The following NPAS3 variants were observed in gnomAD, a reference collection of about 807,000 sequenced individuals.
NPAS3 encodes neuronal PAS domain protein 3.
NPAS3 carries 14 observed loss-of-function variants against 73.1 expected under a neutral mutation model. That is an observed-to-expected ratio of 0.19 (90% CI 0.13 to 0.30). The LOEUF is 0.30. NPAS3 is among the 10% of genes least tolerant of loss of function. The probability of loss-of-function intolerance (pLI) is 1.00; values close to 1 mark genes in which losing one functional copy is unlikely to be tolerated. For missense variants in NPAS3, 1,096 were observed against 1,250.0 expected, an observed-to-expected ratio of 0.88 and a Z score of 1.86; for synonymous variants, 620 against 541.5, an observed-to-expected ratio of 1.14 and a Z score of -2.01.
chr14:33,574,728 T>C (rs947068016), intron 5 of NPAS3, among the ~76,000 whole-genome samples: 5 of 152,134 alleles, frequency 3.3e-5, no homozygotes, highest in Admixed American at 2.6e-4. Context: ...GGGATCCTCA[T>C]TGAACCCAGG....
At chr14:32,950,229 C>A (rs557542196) in intron 1 of NPAS3, among the ~76,000 whole-genome samples, 2 of 152,042 alleles carry the variant, frequency 1.3e-5, no homozygotes, top group Admixed American at 1.3e-4. Context: ...AAAGACTGTT[C>A]CAGAGTTTGC....
chr14:33,733,494 G>T (rs147974716), intron 6 of NPAS3, among the ~76,000 whole-genome samples: 1 of 152,220 alleles, frequency 6.6e-6, no homozygotes, highest in Non-Finnish European at 1.5e-5. Context: ...AAACTAATGA[G>T]CTCATTTAAT....
At chr14:33,698,455 C>T (rs2060445092) in intron 6 of NPAS3, among the ~76,000 whole-genome samples, 1 of 152,124 alleles carries the variant, frequency 6.6e-6, no homozygotes, top group Non-Finnish European at 1.5e-5. Context: ...AGAGAGATCA[C>T]ATTAAAGCTT....
At chr14:33,100,596 G>A (rs907326150) in intron 2 of NPAS3, among the ~76,000 whole-genome samples, 4 of 151,948 alleles carry the variant, frequency 2.6e-5, no homozygotes, top group African/African-American at 9.7e-5. Flanking sequence ...ATTATACAAC[G>A]CTATTTAATT....
chr14:33,078,773 G>A (rs1404597806), intron 2 of NPAS3, among the ~76,000 whole-genome samples: 1 of 152,140 alleles, frequency 6.6e-6, no homozygotes, highest in African/African-American at 2.4e-5. Flanking sequence ...CTTCCTTCCT[G>A]GCAGAATTCA....
At chr14:33,545,800 G>C (rs1036887926) in intron 4 of NPAS3, among the ~76,000 whole-genome samples, 1 of 152,218 alleles carries the variant, frequency 6.6e-6, no homozygotes, top group African/African-American at 2.4e-5. Context: ...GAAAACTAGA[G>C]GGTGCGGTCA....
intron 6 of NPAS3, among the ~76,000 whole-genome samples, chr14:33,727,790 G>A (rs763305068): frequency 5.3e-5 from 8 of 152,080 alleles, no homozygotes; most frequent in Non-Finnish European, 7.4e-5. Flanking sequence ...CGGAATCCAC[G>A]CAGCATCGCA....
chr14:33,356,008 C>T (rs1185706584), intron 3 of NPAS3, among the ~76,000 whole-genome samples: 1 of 152,222 alleles, frequency 6.6e-6, no homozygotes, highest in Non-Finnish European at 1.5e-5. Context: ...CATGGCCTGG[C>T]ACTTAGTAGG....
Position 33,471,460 on chromosome 14 carries a change from C to T in NPAS3, c.469-88661C>T, listed in dbSNP as rs537394999. On this transcript the variant is annotated intron_variant, in intron 4 of 11. Transcript: ENST00000356141. ...GTCACTGATGGATCAGTGTGGTACC[C>T]AGGAGTCAGCATTGGAGTGGGAGTC... is the stretch of plus-strand genomic sequence containing the variant. Among the ~76,000 whole-genome samples the T allele has an allele frequency of 7.2e-5, 11 of 152,286 alleles. No individual in the cohort carries two copies. The East Asian group carries it at 2.1e-3, about 29-fold the overall frequency.
intron 1 of NPAS3, among the ~76,000 whole-genome samples, chr14:32,971,123 C>T (rs1056094674): frequency 1.9e-4 from 27 of 144,700 alleles, no homozygotes; most frequent in Admixed American, 2.2e-4. Context: ...CTTGCTGTGT[C>T]GCCCATGCTG....
intron 5 of NPAS3, among the ~76,000 whole-genome samples, chr14:33,658,085 G>T (rs531479088): frequency 4.3e-4 from 65 of 152,352 alleles, no homozygotes; most frequent in African/African-American, 1.4e-3. Context: ...CACCTTTGTG[G>T]CTGCCACTCT....
At chr14:33,517,330 CA>C (rs2053349458) in intron 4 of NPAS3, among the ~76,000 whole-genome samples, 4 of 152,134 alleles carry the variant, frequency 2.6e-5, no homozygotes, top group Admixed American at 2.0e-4. Flanking sequence ...CCCTATTCAC[CA>C]AAAAACTGTC....
intron 2 of NPAS3, among the ~76,000 whole-genome samples, chr14:33,156,557 C>G (rs1316789621): frequency 2.6e-5 from 4 of 152,104 alleles, no homozygotes; most frequent in Non-Finnish European, 5.9e-5. Flanking sequence ...AATCATTTAA[C>G]ATTTTAAATT....
At chr14:33,264,294 G>T (rs2049088422) in intron 3 of NPAS3, among the ~76,000 whole-genome samples, 1 of 152,024 alleles carries the variant, frequency 6.6e-6, no homozygotes, top group African/African-American at 2.4e-5. Flanking sequence ...AGGGGGGAAG[G>T]ATAGCATTAG....
At chr14:33,274,396 C>G (rs1219392093) in intron 3 of NPAS3, among the ~76,000 whole-genome samples, 1 of 152,170 alleles carries the variant, frequency 6.6e-6, no homozygotes, top group Non-Finnish European at 1.5e-5. Context: ...TAGCCTGTAT[C>G]TCCTTTCCTA....
intron 4 of NPAS3, among the ~76,000 whole-genome samples, chr14:33,368,467 A>C (rs565995102): frequency 4.8e-4 from 73 of 152,260 alleles, no homozygotes; most frequent in African/African-American, 1.5e-3. Context: ...TTTATAGGGT[A>C]AAGTCCAGGA....
chr14:33,800,938 C>G lies in NPAS3; in HGVS notation c.2631C>G (p.His877Gln). Reference sequence around the variant, plus strand: ...TGGAGATGCTCTACCACCACGTGCACCGGCTCAACATGTCAGGACCGTTCG... The same window carrying G: ...TGGAGATGCTCTACCACCACGTGCAGCGGCTCAACATGTCAGGACCGTTCG... The change falls in exon 12 of 12, where the codon CAC becomes CAG. Residue 877 changes from histidine (H) to glutamine (Q), a missense_variant. His to Gln is a conservative substitution (Grantham distance 24, BLOSUM62 0). Coordinates refer to ENST00000356141, the Ensembl canonical transcript of NPAS3. The surrounding 1 kb of genome is among the most constrained non-coding windows in gnomAD (Gnocchi z 6.5). The G allele has an allele frequency of 3.7e-6, 6 of 1,607,436 alleles. No homozygotes were observed. Among genetic ancestry groups the G allele is most frequent in the East Asian group, 4.5e-5 (2 of 44,362 alleles).
At chr14:33,611,289 G>A (rs914154959) in intron 5 of NPAS3, among the ~76,000 whole-genome samples, 4 of 152,228 alleles carry the variant, frequency 2.6e-5, no homozygotes, top group African/African-American at 9.6e-5. Flanking sequence ...ATTAAAAGTA[G>A]GGTGGTTGTT....
chr14:33,498,959 TGTG>T (rs2052376269), intron 4 of NPAS3, among the ~76,000 whole-genome samples: 2 of 149,164 alleles, frequency 1.3e-5, no homozygotes, highest in Non-Finnish European at 3.0e-5. Flanking sequence ...TGTGTGTGTG[TGTG>T]TGTGTGTGTG....
Sources: allele counts gnomAD v4.1 joint callset (sites outside exome capture counted in the v4.1 genomes callset), GRCh38; gene constraint gnomAD v4.1.1; non-coding constraint Gnocchi (gnomAD v3.1); transcripts MANE v1.5; gene names NCBI Gene and HGNC (gene_info 2026-07-23, HGNC 2026-07-21).